The following ADAMTS10 variants were observed in gnomAD, a reference collection of about 807,000 sequenced individuals.
The protein encoded by ADAMTS10 is ADAM metallopeptidase with thrombospondin type 1 motif 10, also known as A disintegrin and metalloproteinase with thrombospondin motifs 10.
Under a neutral mutation model 135.9 loss-of-function variants are expected in ADAMTS10, and 48 were observed. The ratio of observed to expected loss-of-function variants is 0.35; its 90% CI spans 0.28 to 0.45. The LOEUF (loss-of-function observed/expected upper bound fraction) is 0.45. Ranked by LOEUF, ADAMTS10 falls within the 20% of genes least tolerant of loss-of-function variation. ADAMTS10 has a pLI of 1.00. For synonymous variants in ADAMTS10, 621 were observed against 647.5 expected (o/e 0.96, Z 0.62); for missense variants, 1,131 against 1,565.2 (o/e 0.72, Z 4.68).
Position 8,587,366 on chromosome 19 carries a change from G to A in ADAMTS10, c.2159-470C>T, listed in dbSNP as rs373206930. On this transcript the variant is annotated intron_variant, in intron 18 of 25. Coordinates refer to ENST00000597188, the MANE Select transcript of ADAMTS10 (RefSeq NM_030957.4). ...TTTTTTTTTTTTTTTTGTAGAGTTG[G>A]GGGTCTCCTTAAGTTGCTCAGGCTG... Among the ~76,000 whole-genome samples, 205 of 102,870 alleles carry A rather than the reference G, an allele frequency of 2.0e-3. 4 individuals carry two copies. Among genetic ancestry groups the A allele is most frequent in the African/African-American group, 6.6e-3 (186 of 28,164 alleles). The allele number at this position is 102,870 out of a possible 152,430, so 67.5% of individuals were successfully genotyped here.
rs782001797 is a variant in ADAMTS10 at position 8,596,232 on chromosome 19, G to T, written c.1191-13C>A. 2 of 1,613,662 alleles carry T rather than the reference G, an allele frequency of 1.2e-6. No homozygotes were observed. The highest frequency in any genetic ancestry group is 2.2e-5 in the East Asian group (1 of 44,872). ...GTTCATGCCGAATCTGGGGAAAGGG[G>T]TGTCGGCTCTGCCGGGCGCTGAGGG... On this transcript the variant is annotated splice_polypyrimidine_tract_variant and intron_variant, in intron 10 of 25. Coordinates refer to ENST00000597188, the MANE Select transcript of ADAMTS10 (RefSeq NM_030957.4). The surrounding 1 kb of genome is among the most constrained non-coding windows in gnomAD (Gnocchi z 7.2).
intron 18 of ADAMTS10, among the ~76,000 whole-genome samples, chr19:8,588,493 C>A (rs1283460505): frequency 6.6e-6 from 1 of 152,096 alleles, no homozygotes; most frequent in East Asian, 1.9e-4. Context: ...CCTGGACACA[C>A]TCCCTCCCTC....
intron 16 of ADAMTS10, 49 bp downstream of exon 16, chr19:8,589,840 C>T: frequency 6.4e-7 from 1 of 1,566,836 alleles, no homozygotes; most frequent in African/African-American, 1.4e-5. Context: ...GCTGGACACT[C>T]CCACGGCTGC....
At position 8,605,120 on chromosome 19, in the gene ADAMTS10, C is replaced by T. The variant is rs2042705705; in HGVS notation, c.327G>A (p.Arg109=). 1.2e-6 allele frequency: 2 copies of T among 1,613,568 alleles called. No homozygotes were observed. The highest frequency in any genetic ancestry group is 2.7e-5 in the African/African-American group (2 of 75,050). The change falls in exon 4 of 26, where the codon CGG becomes CGA. Residue 109 remains arginine (R), a synonymous_variant. Coordinates refer to ENST00000597188, the MANE Select transcript of ADAMTS10 (RefSeq NM_030957.4). The surrounding 1 kb of genome is among the most constrained non-coding windows in gnomAD (Gnocchi z 7.7). ...AGHVSVEYWT[R]EGLAWQRAAR... Reference sequence around the variant, plus strand: ...CCGCCCTCTGCCAGGCCAGGCCCTCCCGTGTCCAGTACTCCACGGAGACGT... The same window carrying T: ...CCGCCCTCTGCCAGGCCAGGCCCTCTCGTGTCCAGTACTCCACGGAGACGT...
chr19:8,592,014 G>A lies in ADAMTS10; in HGVS notation c.1677C>T (p.Cys559=). ...AWGPWTPWGD[C]SRTCGGGVSS... ...ACACGCCGCCGCCACAGGTCCGGCT[G>A]CAGTCGCCCCATGGAGTCCACGGCC... The change falls in exon 14 of 26, where the codon TGC becomes TGT. Residue 559 remains cysteine, a synonymous_variant. Coordinates refer to ENST00000597188, the MANE Select transcript of ADAMTS10 (RefSeq NM_030957.4). 1 of 1,613,754 alleles carries A rather than the reference G, an allele frequency of 6.2e-7. No individual in the cohort carries two copies. The highest frequency in any genetic ancestry group is 8.5e-7 in the Non-Finnish European group (1 of 1,179,838).
chr19:8,592,343 G>A, intron 13 of ADAMTS10: 1 of 754,568 alleles, frequency 1.3e-6, no homozygotes, highest in South Asian at 1.9e-5. Context: ...GTGTAGACAG[G>A]ACCACGATAA....
Position 8,586,657 on chromosome 19 carries a change from A to G in ADAMTS10, c.2304T>C (p.Arg768=), listed in dbSNP as rs782626039. 1.2e-6 allele frequency: 2 copies of G among 1,613,996 alleles called. No homozygotes were observed. The highest frequency in any genetic ancestry group is 1.7e-6 in the Non-Finnish European group (2 of 1,179,982). Residue 768 remains arginine (R), a synonymous_variant, in exon 20 of 26, where the codon CGT becomes CGC. Transcript: ENST00000597188. The part of the protein sequence containing the change: ...EGLPGTPQPH[R]LPLAGTTFQL... ...GAAAGGTGGTCCCAGCTAGAGGCAG[A>G]CGGTGGGGCTGGGGGGTCCCAGGCA...
At chr19:8,600,650 C>T (rs1245725519) in intron 6 of ADAMTS10, among the ~76,000 whole-genome samples, 3 of 152,038 alleles carry the variant, frequency 2.0e-5, no homozygotes, top group Non-Finnish European at 2.9e-5. Context: ...AGGCGCCCGC[C>T]ACCACACTCG....
Position 8,580,591 on chromosome 19 carries a change from C to T in ADAMTS10, c.*302G>A. ...AAGGAGGGGGGGAGTGTTGGGGACT[C>T]CCTAAGGGTGGGTTCAAAGGGTGCT... On this transcript the variant is annotated 3_prime_UTR_variant, in exon 26 of 26. Transcript: ENST00000597188. The T allele has an allele frequency of 1.0e-5, 4 of 390,498 alleles. No individual in the cohort carries two copies. Among genetic ancestry groups the T allele is most frequent in the South Asian group, 8.7e-5 (4 of 45,952 alleles). 24.2% of individuals were successfully genotyped at this position (390,498 alleles called of 1,614,324 possible).
intron 23 of ADAMTS10, 54 bp downstream of exon 23, chr19:8,585,402 C>T (rs1555736734): frequency 1.3e-6 from 2 of 1,536,578 alleles, no homozygotes; most frequent in African/African-American, 1.4e-5. Context: ...GAGGCGTCTC[C>T]GTGGACACCC....
intron 1 of ADAMTS10, among the ~76,000 whole-genome samples, chr19:8,609,182 G>A (rs2042753791): frequency 6.7e-6 from 1 of 149,246 alleles, no homozygotes; most frequent in African/African-American, 2.5e-5. Flanking sequence ...CCCTGTGTGT[G>A]ATTGTGAGCG....
At chr19:8,606,470 C>T (rs1014779257) in intron 2 of ADAMTS10, among the ~76,000 whole-genome samples, 4 of 152,096 alleles carry the variant, frequency 2.6e-5, no homozygotes, top group Non-Finnish European at 5.9e-5. Context: ...GGCGCAATCG[C>T]GGCTCACTGC....
At position 8,592,755 on chromosome 19, in the gene ADAMTS10, G is replaced by T; in HGVS notation, c.1587+8C>A. 1 of 1,608,374 alleles carries T rather than the reference G, an allele frequency of 6.2e-7. No homozygotes were observed. The highest frequency in any genetic ancestry group is 1.1e-5 in the South Asian group (1 of 90,582). On this transcript the variant is annotated splice_region_variant and intron_variant, in intron 13 of 25. Coordinates refer to ENST00000597188, the MANE Select transcript of ADAMTS10 (RefSeq NM_030957.4). ...GTGGCCCAGTTGGGGGCCCTGGCCGGCGCTCACCCCCTTGTCGATGGTGTG... is the reference window on the plus strand; with the variant it reads ...GTGGCCCAGTTGGGGGCCCTGGCCGTCGCTCACCCCCTTGTCGATGGTGTG...
chr19:8,585,345 G>C, intron 23 of ADAMTS10, 37 bp from the exon 24 acceptor site: 1 of 1,534,054 alleles, frequency 6.5e-7, no homozygotes, highest in Non-Finnish European at 8.7e-7. Context: ...TCAGGGTGCT[G>C]CCCCAGTGCG....
rs1555741544 is a variant in ADAMTS10 at position 8,601,177 on chromosome 19, C to T, written c.593-32G>A. On this transcript the variant is annotated intron_variant, in intron 5 of 25. Coordinates refer to ENST00000597188, the MANE Select transcript of ADAMTS10 (RefSeq NM_030957.4). The surrounding 1 kb of genome is among the most constrained non-coding windows in gnomAD (Gnocchi z 4.6). ...AACCCAGTAGAGCAATTAAGCCCTG[C>T]CCTGCTGGTGGGACGCAGAGCTGCC... 12 of 1,608,018 alleles carry T rather than the reference C, an allele frequency of 7.5e-6. No homozygotes were observed. Among genetic ancestry groups the T allele is most frequent in the South Asian group, 1.1e-5 (1 of 90,754 alleles).
intron 5 of ADAMTS10, among the ~76,000 whole-genome samples, chr19:8,603,455 G>A (rs2042687765): frequency 1.3e-5 from 2 of 152,102 alleles, no homozygotes; most frequent in African/African-American, 4.8e-5. Flanking sequence ...TGTATTTTTA[G>A]TAGAGATGGG....
intron 4 of ADAMTS10, 194 bp downstream of exon 4, chr19:8,604,818 A>C: frequency 1.5e-6 from 1 of 657,278 alleles, no homozygotes; most frequent in Non-Finnish European, 2.6e-6. Flanking sequence ...TTAGCTCATT[A>C]ATTTTCAGCC....
chr19:8,604,115 A>G (rs1280522488), intron 4 of ADAMTS10, among the ~76,000 whole-genome samples: 2 of 151,564 alleles, frequency 1.3e-5, no homozygotes, highest in East Asian at 1.9e-4. Context: ...CAGTGGTGCA[A>G]TCGTAGCTCA....
rs782450989 is a variant in ADAMTS10 at position 8,595,810 on chromosome 19, C to T, written c.1431G>A (p.Glu477=). 3 of 1,614,098 alleles carry T rather than the reference C, an allele frequency of 1.9e-6. No individual in the cohort carries two copies. The highest frequency in any genetic ancestry group is 2.5e-6 in the Non-Finnish European group (3 of 1,180,012). The change falls in exon 12 of 26, where the codon GAG becomes GAA. Residue 477 remains glutamate, a synonymous_variant. Transcript: ENST00000597188. ...VAPGQAYDAD[E]QCRFQHGVKS... Reference sequence around the variant, plus strand: ...TGACTCCATGCTGAAAGCGGCATTGCTCATCTGCATCGTAGGCTTGGCCCG... The same window carrying T: ...TGACTCCATGCTGAAAGCGGCATTGTTCATCTGCATCGTAGGCTTGGCCCG...
Sources: allele counts gnomAD v4.1 joint callset (sites outside exome capture counted in the v4.1 genomes callset), GRCh38; gene constraint gnomAD v4.1.1; non-coding constraint Gnocchi (gnomAD v3.1); transcripts MANE v1.5; gene names NCBI Gene and HGNC (gene_info 2026-07-23, HGNC 2026-07-21).